PPM1J: variants seen among roughly 807,000 people sequenced by gnomAD.
PPM1J encodes protein phosphatase 1J.
A neutral mutation model predicts 53.3 loss-of-function variants in PPM1J; 43 were observed. That is an observed-to-expected ratio of 0.81 (90% CI 0.63 to 1.04). PPM1J has a LOEUF of 1.04. Among genes scored for constraint, PPM1J ranks in the 50% least tolerant of loss-of-function variants. The pLI is 0.00. For missense variants in PPM1J, 635 were observed against 685.9 expected (o/e 0.93, Z 0.83); for synonymous variants, 267 against 286.4 (o/e 0.93, Z 0.68).
At chr1:112,713,973 A>G (rs1365927844) in intron 1 of PPM1J, 4 of 1,041,658 alleles carry the variant, frequency 3.8e-6, no homozygotes, top group Non-Finnish European at 4.9e-6. Context: ...CTTCCCTGCT[A>G]GCTAGACCCT....
In PPM1J at chr1:112,712,369, TAC is replaced by T. The variant is rs773420013; in HGVS notation, c.816_817del (p.Tyr273ArgfsTer7). On this transcript the variant is annotated frameshift_variant, in exon 4 of 10. Coordinates refer to ENST00000309276, the MANE Select transcript of PPM1J (RefSeq NM_005167.7). LOFTEE classifies it high-confidence loss of function. Reference sequence around the variant, plus strand: ...CCTGCTATCGCCTGCATTGGCCACGTACACCTTGCCTAGCAGGTAGATCACAA... The same window carrying T: ...CCTGCTATCGCCTGCATTGGCCACGTACCTTGCCTAGCAGGTAGATCACAA... The T allele has an allele frequency of 1.1e-5, 17 of 1,613,626 alleles. No homozygotes were observed. In the African/African-American group the frequency reaches 2.3e-4, roughly 22 times the overall value.
At chr1:112,710,432 C>G in intron 9 of PPM1J, 28 bp downstream of exon 9, 2 of 1,613,046 alleles carry the variant, frequency 1.2e-6, no homozygotes, top group Non-Finnish European at 1.7e-6. Flanking sequence ...AATGCCATCC[C>G]CTTACCACCA....
chr1:112,714,587 T>C (rs1675151121), intron 1 of PPM1J: 1 of 1,026,198 alleles, frequency 9.7e-7, no homozygotes, highest in African/African-American at 1.7e-5. Context: ...CCAACCGCTA[T>C]GTCCCCTATT....
At position 112,715,239 on chromosome 1, in the gene PPM1J, C is replaced by T; in HGVS notation, c.63G>A (p.Pro21=). 7.3e-7 allele frequency: 1 copy of T among 1,365,962 alleles called. No individual in the cohort carries two copies. The highest frequency in any genetic ancestry group is 9.4e-7 in the Non-Finnish European group (1 of 1,067,650). The allele number at this position is 1,365,962 out of a possible 1,614,324, so 84.6% of individuals were successfully genotyped here. A position where few individuals can be genotyped will look rare whatever the true frequency, so the allele number is the denominator to read the frequency against. ...HLVSSGGAPP[P]RPKSPDLPNA... ...TGGGCAGGTCCGGGGATTTGGGGCGCGGAGGCGGAGCGCCCCCGGAGCTCA... is the reference window on the plus strand; with the variant it reads ...TGGGCAGGTCCGGGGATTTGGGGCGTGGAGGCGGAGCGCCCCCGGAGCTCA... The change falls in exon 1 of 10, where the codon CCG becomes CCA. Residue 21 remains proline, a synonymous_variant. Coordinates refer to ENST00000309276, the MANE Select transcript of PPM1J (RefSeq NM_005167.7). This position sits in a 1 kb window ranked among gnomAD's most constrained non-coding sequence, Gnocchi z 4.4.
chr1:112,712,318 G>A (rs764265314), intron 4 of PPM1J, 27 bp downstream of exon 4: 22 of 1,537,778 alleles, frequency 1.4e-5, no homozygotes, highest in South Asian at 5.9e-5. Flanking sequence ...GCCCTCTGTC[G>A]CCACCTTGGA....
intron 1 of PPM1J, 71 bp from the exon 2 acceptor site, chr1:112,713,682 C>T (rs1570843429): frequency 1.6e-6 from 2 of 1,229,184 alleles, no homozygotes; most frequent in Non-Finnish European, 2.4e-6. Context: ...ACCTTAGACA[C>T]ACACCGTCTC....
chr1:112,712,721 C>T, intron 3 of PPM1J, 23 bp downstream of exon 3: 1 of 1,588,264 alleles, frequency 6.3e-7, no homozygotes, highest in Non-Finnish European at 8.6e-7. Context: ...CTAGCAGGCT[C>T]TTGGCCCAGG....
chr1:112,710,691 G>A, intron 8 of PPM1J, 53 bp downstream of exon 8: 1 of 1,613,010 alleles, frequency 6.2e-7, no homozygotes, highest in Non-Finnish European at 8.5e-7. Flanking sequence ...GACTGCAGAT[G>A]AAAGCTGGCC....
intron 1 of PPM1J, chr1:112,714,473 C>T (rs1675146325): frequency 1.0e-6 from 1 of 986,532 alleles, no homozygotes; most frequent in Non-Finnish European, 1.2e-6. Context: ...CTGGCGGCCT[C>T]CTGGTGTCGC....
chr1:112,714,015 C>T (rs1040629483), intron 1 of PPM1J: 1 of 1,084,168 alleles, frequency 9.2e-7, no homozygotes, highest in African/African-American at 1.6e-5. Context: ...TCAACTCTCC[C>T]AGTGCCTTGT....
chr1:112,715,322 T>TCGGCCG lies in PPM1J; in HGVS notation c.-27_-22dup. ...AGCATGCTGCCTCCCTGCCCCGCCC[T>TCGGCCG]CGGCCGCGGCCCCGCCCCCGCCCAG... On this transcript the variant is annotated 5_prime_UTR_variant, in exon 1 of 10. Transcript: ENST00000309276. The surrounding 1 kb of genome is among the most constrained non-coding windows in gnomAD (Gnocchi z 4.4). 8.1e-7 allele frequency: 1 copy of TCGGCCG among 1,228,132 alleles called. No individual in the cohort carries two copies. Among genetic ancestry groups the TCGGCCG allele is most frequent in the Middle Eastern group, 3.2e-4 (1 of 3,158 alleles). The allele number at this position is 1,228,132 out of a possible 1,614,324, so 76.1% of individuals were successfully genotyped here. A position where few individuals can be genotyped will look rare whatever the true frequency, so the allele number is the denominator to read the frequency against.
At position 112,713,013 on chromosome 1, in the gene PPM1J, A is replaced by C. The variant is rs769923019; in HGVS notation, c.460T>G (p.Trp154Gly). 1 of 1,604,176 alleles carries C rather than the reference A, an allele frequency of 6.2e-7. No homozygotes were observed. The change falls in exon 3 of 10, where the codon TGG (tryptophan) becomes GGG (glycine). Residue 154 changes from tryptophan (W) to glycine (G), a missense_variant. By Grantham distance (184) the Trp-to-Gly change is radical. Transcript: ENST00000309276. ...CCTGCATGCCCATCAAATAGGCCCC[A>C]GTAGTAGAAGCAGAGTCCCTGGTGG... ...SRGQGLCFYY[W>G]GLFDGHAGGG...
At chr1:112,713,926 C>T (rs1570843723) in intron 1 of PPM1J, 2 of 718,866 alleles carry the variant, frequency 2.8e-6, no homozygotes, top group East Asian at 4.2e-5. Flanking sequence ...CCTAGTGGTG[C>T]TTCTGGGGGA....
chr1:112,712,119 A>T, intron 4 of PPM1J, 64 bp from the exon 5 acceptor site: 1 of 1,354,514 alleles, frequency 7.4e-7, no homozygotes, highest in Non-Finnish European at 1.0e-6. Flanking sequence ...GAAAAATTCC[A>T]GAAAGACCAG....
At chr1:112,711,163 G>T in intron 6 of PPM1J, 92 bp from the exon 7 acceptor site, 1 of 1,470,822 alleles carries the variant, frequency 6.8e-7, no homozygotes, top group Non-Finnish European at 9.5e-7. Context: ...CCTTAGAAGG[G>T]CCACATCCTC....
Position 112,712,851 on chromosome 1 carries a change from A to C in PPM1J, c.622T>G (p.Ser208Ala). 2 of 1,613,838 alleles carry C rather than the reference A, an allele frequency of 1.2e-6. No individual in the cohort carries two copies. Among genetic ancestry groups the C allele is most frequent in the South Asian group, 2.2e-5 (2 of 91,072 alleles). ...GGGCCAAGCAAGTGAGAGGGATCGGAGGAATCTGGGGTCCCCGGAGTGGTT... is the reference window on the plus strand; with the variant it reads ...GGGCCAAGCAAGTGAGAGGGATCGGCGGAATCTGGGGTCCCCGGAGTGGTT... ...LPTTPGTPDSSDPSHLLGPQS... is the reference protein window; with the variant it reads ...LPTTPGTPDSADPSHLLGPQS... The change falls in exon 3 of 10, where the codon TCC becomes GCC. Residue 208 changes from serine (S) to alanine (A), a missense_variant. By Grantham distance (99) the Ser-to-Ala change is moderately conservative. Coordinates refer to ENST00000309276, the MANE Select transcript of PPM1J (RefSeq NM_005167.7).
intron 2 of PPM1J, 35 bp downstream of exon 2, chr1:112,713,462 G>A: frequency 2.1e-6 from 3 of 1,459,408 alleles, no homozygotes; most frequent in Non-Finnish European, 2.9e-6. Context: ...GGGGAGAGGT[G>A]TCACTGTGTC....
chr1:112,714,556 G>A, intron 1 of PPM1J: 5 of 1,000,432 alleles, frequency 5.0e-6, no homozygotes, highest in Non-Finnish European at 5.9e-6. Flanking sequence ...CTGGAGCCGG[G>A]AAGCGGGTGA....
intron 2 of PPM1J, 113 bp downstream of exon 2, chr1:112,713,384 G>A: frequency 1.4e-6 from 1 of 736,008 alleles, no homozygotes; most frequent in Admixed American, 2.0e-5. Context: ...GTGCCAGAAG[G>A]TAGATAGCCA....
Sources: gnomAD v4.1 joint callset for allele counts on GRCh38, gnomAD v4.1.1 for gene constraint, Gnocchi (gnomAD v3.1) non-coding constraint, MANE v1.5 for transcripts, NCBI Gene and HGNC (gene_info 2026-07-23, HGNC 2026-07-21) for gene names.